ANKHD1: variants seen among roughly 807,000 people sequenced by gnomAD.
ANKHD1 encodes the protein ankyrin repeat and KH domain-containing protein 1.
ANKHD1 carries 31 observed loss-of-function variants against 230.5 expected under a neutral mutation model. The ratio of observed to expected loss-of-function variants is 0.13; its 90% CI spans 0.10 to 0.18. The LOEUF (loss-of-function observed/expected upper bound fraction) is 0.18, where lower values mean the gene tolerates loss of function less well. Ranked by LOEUF, ANKHD1 falls within the 10% of genes least tolerant of loss-of-function variation. ANKHD1 has a pLI of 1.00. For missense variants in ANKHD1, 2,256 were observed against 3,071.3 expected, an observed-to-expected ratio of 0.73 and a Z score of 6.27; for synonymous variants, 1,074 against 1,117.6, an observed-to-expected ratio of 0.96 and a Z score of 0.78.
At chr5:140,405,277 AG>A (rs1770341961) in intron 1 of ANKHD1, among the ~76,000 whole-genome samples, 1 of 152,174 alleles carries the variant, frequency 6.6e-6, no homozygotes, top group Admixed American at 6.5e-5. Context: ...GCCTAATCTA[AG>A]ATGATGCTTA....
intron 7 of ANKHD1, among the ~76,000 whole-genome samples, chr5:140,452,421 C>A (rs1774822534): frequency 6.6e-6 from 1 of 152,148 alleles, no homozygotes; most frequent in Non-Finnish European, 1.5e-5. Context: ...CAGACTGCCT[C>A]CTCATGTGGG....
intron 1 of ANKHD1, among the ~76,000 whole-genome samples, chr5:140,416,007 A>G (rs937976342): frequency 6.6e-6 from 1 of 151,948 alleles, no homozygotes; most frequent in Non-Finnish European, 1.5e-5. Flanking sequence ...CTCATTGTTC[A>G]ATTCCCACCT....
chr5:140,460,209 A>G (rs1468358215), intron 9 of ANKHD1, among the ~76,000 whole-genome samples: 2 of 152,162 alleles, frequency 1.3e-5, no homozygotes, highest in Admixed American at 1.3e-4. Context: ...GTGCTTTATT[A>G]TTAAGCTGTG....
At chr5:140,511,396 G>T (rs1752762343) in intron 22 of ANKHD1, among the ~76,000 whole-genome samples, 1 of 152,136 alleles carries the variant, frequency 6.6e-6, no homozygotes, top group Non-Finnish European at 1.5e-5. Flanking sequence ...TTCCTGAAAT[G>T]ATTTCCTTTG....
intron 23 of ANKHD1, 145 bp downstream of exon 23, chr5:140,513,068 G>A: frequency 1.3e-6 from 1 of 782,832 alleles, no homozygotes; most frequent in Non-Finnish European, 2.0e-6. Context: ...TTGCAAAATA[G>A]AGGGGTATAA....
intron 10 of ANKHD1, among the ~76,000 whole-genome samples, chr5:140,468,998 T>C (rs1387762432): frequency 6.6e-6 from 1 of 152,116 alleles, no homozygotes; most frequent in East Asian, 1.9e-4. Flanking sequence ...TGTCAAACTG[T>C]TCAAAAATCC....
At chr5:140,455,847 G>A (rs1457427314) in intron 7 of ANKHD1, among the ~76,000 whole-genome samples, 4 of 152,168 alleles carry the variant, frequency 2.6e-5, no homozygotes, top group African/African-American at 7.2e-5. Context: ...TCAACATAGT[G>A]TTGGAAGTTC....
rs1775054209 is a variant in ANKHD1, at chr5:140,454,981, A to G, written c.1243-3644A>G. Among the ~76,000 whole-genome samples the G allele has an allele frequency of 4.9e-5, 4 of 81,900 alleles. No homozygotes were observed. The Admixed American group carries it at 5.3e-4, about 11-fold the overall frequency. The allele number at this position is 81,900 out of a possible 152,430, so 53.7% of individuals were successfully genotyped here. Reference sequence around the variant, plus strand: ...GGTAGACTTCTAGCAAGACTAATAAAGAAGAAGAGAGAAGAATCAAATAGA... The same window carrying G: ...GGTAGACTTCTAGCAAGACTAATAAGGAAGAAGAGAGAAGAATCAAATAGA... On this transcript the variant is annotated intron_variant, in intron 7 of 33. Coordinates refer to ENST00000360839, the MANE Select transcript of ANKHD1 (RefSeq NM_017747.3).
rs2126824724 is a variant in ANKHD1, at chr5:140,401,942, A to G, written c.-26A>G. 6.5e-7 allele frequency: 1 copy of G among 1,549,550 alleles called. No individual in the cohort carries two copies. Among genetic ancestry groups the G allele is most frequent in the East Asian group, 2.5e-5 (1 of 40,242 alleles). ...CGGCGGTGACCGCGAGTGGGTCGGCACCGTCTCCGGCTCCGGGTGCGAACA... is the reference window on the plus strand; with the variant it reads ...CGGCGGTGACCGCGAGTGGGTCGGCGCCGTCTCCGGCTCCGGGTGCGAACA... On this transcript the variant is annotated 5_prime_UTR_variant, in exon 1 of 34. Transcript: ENST00000360839.
Position 140,537,608 on chromosome 5 carries a change from C to G in ANKHD1, c.7228+19C>G. ...GTGTCAGGTACAATTGCCTTGCTCTCTCTCTGGAGGGATATCTTAAGTAAG... is the reference window on the plus strand; with the variant it reads ...GTGTCAGGTACAATTGCCTTGCTCTGTCTCTGGAGGGATATCTTAAGTAAG... On this transcript the variant is annotated intron_variant, in intron 31 of 33. Transcript: ENST00000360839. The G allele has an allele frequency of 1.3e-6, 2 of 1,527,908 alleles. No individual in the cohort carries two copies. The highest frequency in any genetic ancestry group is 1.8e-6 in the Non-Finnish European group (2 of 1,138,500). 94.6% of individuals were successfully genotyped at this position (1,527,908 alleles called of 1,614,324 possible). A position where few individuals can be genotyped will look rare whatever the true frequency, so the allele number is the denominator to read the frequency against.
At chr5:140,476,962 T>A (rs1386829552) in intron 10 of ANKHD1, among the ~76,000 whole-genome samples, 3 of 152,084 alleles carry the variant, frequency 2.0e-5, no homozygotes, top group Admixed American at 6.6e-5. Context: ...AGTTTTTTTT[T>A]AAAGAAAAAT....
Position 140,529,466 on chromosome 5 carries a change from C to T in ANKHD1, c.6520C>T (p.Pro2174Ser). 4 of 1,614,238 alleles carry T rather than the reference C, an allele frequency of 2.5e-6. No individual in the cohort carries two copies. Among genetic ancestry groups the T allele is most frequent in the Non-Finnish European group, 3.4e-6 (4 of 1,180,040 alleles). The change falls in exon 29 of 34, where the codon CCA becomes TCA. Residue 2174 changes from proline to serine, a missense_variant. Pro to Ser is a moderately conservative substitution (Grantham distance 74). Transcript: ENST00000360839. The part of the protein sequence containing the change: ...PVTLTPPQGP[P>S]AAVQLSSAVN... ...TACTTTAACACCACCTCAAGGCCCA[C>T]CAGCTGCAGTGCAGCTTTCTTCAGC...
chr5:140,530,681 A>G (rs138542579), intron 29 of ANKHD1, among the ~76,000 whole-genome samples: 254 of 152,358 alleles, frequency 1.7e-3, no homozygotes, highest in African/African-American at 6.0e-3. Context: ...TATTTGGAGA[A>G]CCAGAATCTA....
intron 3 of ANKHD1, among the ~76,000 whole-genome samples, chr5:140,439,101 T>C (rs920786127): frequency 6.6e-6 from 1 of 152,204 alleles, no homozygotes; most frequent in Middle Eastern, 3.4e-3. Context: ...AATCAGAATC[T>C]GCATTTTAAC....
At chr5:140,443,609 T>C (rs1774039321) in intron 5 of ANKHD1, among the ~76,000 whole-genome samples, 1 of 150,232 alleles carries the variant, frequency 6.7e-6, no homozygotes, top group South Asian at 2.1e-4. Flanking sequence ...GAGAATGGCA[T>C]GAACCCAGGA....
rs1383747724 is a variant in ANKHD1 at position 140,527,236 on chromosome 5, T to C, written c.5087+162T>C. The C allele has an allele frequency of 1.6e-5, 19 of 1,188,904 alleles. No homozygotes were observed. The highest frequency in any genetic ancestry group is 2.0e-5 in the Non-Finnish European group (18 of 915,790). The allele number at this position is 1,188,904 out of a possible 1,614,324, so 73.6% of individuals were successfully genotyped here. On this transcript the variant is annotated intron_variant, in intron 27 of 33. Coordinates refer to ENST00000360839, the MANE Select transcript of ANKHD1 (RefSeq NM_017747.3). This position sits in a 1 kb window ranked among gnomAD's most constrained non-coding sequence, Gnocchi z 4.5. ...TGCTAAAGCAAAATTAGAAGCAGTA[T>C]GTAAATTTTGCATGCATATTTTATA... is the stretch of plus-strand genomic sequence containing the variant.
chr5:140,526,548 G>A (rs1753613790), intron 26 of ANKHD1, 105 bp downstream of exon 26: 1 of 1,376,378 alleles, frequency 7.3e-7, no homozygotes, highest in South Asian at 1.5e-5. Context: ...TTAAACAATT[G>A]AAGTCTACCA....
intron 15 of ANKHD1, among the ~76,000 whole-genome samples, chr5:140,498,837 A>T (rs1242219505): frequency 7.3e-6 from 1 of 137,894 alleles, no homozygotes; most frequent in Non-Finnish European, 1.5e-5. Context: ...GTTACTGATT[A>T]GTTCAGTTAT....
chr5:140,447,502 C>T (rs1305068420), intron 6 of ANKHD1, among the ~76,000 whole-genome samples: 1 of 152,186 alleles, frequency 6.6e-6, no homozygotes, highest in Non-Finnish European at 1.5e-5. Context: ...GCCACCATGC[C>T]TGGCCTCAAT....
Sources: gnomAD v4.1 joint callset for allele counts (sites outside exome capture counted in the v4.1 genomes callset) on GRCh38, gnomAD v4.1.1 for gene constraint, Gnocchi (gnomAD v3.1) non-coding constraint, MANE v1.5 for transcripts, NCBI Gene and HGNC (gene_info 2026-07-23, HGNC 2026-07-21) for gene names.